SGPL1: variants seen among roughly 807,000 people sequenced by gnomAD.
SGPL1 encodes sphingosine-1-phosphate lyase 1.
SGPL1 carries 37 observed loss-of-function variants against 68.9 expected under a neutral mutation model. The observed-to-expected ratio is 0.54, with a 90% CI of 0.41 to 0.71. SGPL1 has a LOEUF of 0.71. Among genes scored for constraint, SGPL1 ranks in the 30% least tolerant of loss-of-function variants. The pLI is 0.00. For synonymous variants in SGPL1, 236 were observed against 248.5 expected, an observed-to-expected ratio of 0.95 and a Z score of 0.47; for missense variants, 551 against 704.6, an observed-to-expected ratio of 0.78 and a Z score of 2.47.
At chr10:70,838,841 C>T (rs573220303) in intron 2 of SGPL1, among the ~76,000 whole-genome samples, 1 of 152,296 alleles carries the variant, frequency 6.6e-6, no homozygotes, top group African/African-American at 2.4e-5. Flanking sequence ...TCTGTTTCTA[C>T]ATGTATTAGA....
At chr10:70,829,409 G>A (rs1477303502) in intron 2 of SGPL1, among the ~76,000 whole-genome samples, 1 of 152,162 alleles carries the variant, frequency 6.6e-6, no homozygotes, top group Non-Finnish European at 1.5e-5. Flanking sequence ...TTGTGACTGG[G>A]AAGGTTACTT....
At chr10:70,860,659 A>G (rs989418099) in intron 7 of SGPL1, among the ~76,000 whole-genome samples, 1 of 152,228 alleles carries the variant, frequency 6.6e-6, no homozygotes, top group Admixed American at 6.5e-5. Context: ...GTAAGAGGCC[A>G]GAGTGAATAG....
intron 2 of SGPL1, among the ~76,000 whole-genome samples, chr10:70,829,570 G>T (rs1367563873): frequency 4.6e-5 from 7 of 152,028 alleles, no homozygotes; most frequent in Non-Finnish European, 1.0e-4. Flanking sequence ...GTGGACGATG[G>T]TATCTTTTTT....
rs756302286 is a variant in SGPL1, at chr10:70,873,451, A to T, written c.1160A>T (p.Tyr387Phe). The change falls in exon 12 of 15, where the codon TAT (tyrosine) becomes TTT (phenylalanine). Residue 387 changes from tyrosine (Y) to phenylalanine (F), a missense_variant. Coordinates refer to ENST00000373202, the MANE Select transcript of SGPL1 (RefSeq NM_003901.4). ...FVDTDWQGGI[Y>F]ASPTIAGSRP... ...GATACAGATTGGCAGGGTGGCATCT[A>T]TGCTTCCCCAACCATCGCAGGCTCA... 6.2e-7 allele frequency: 1 copy of T among 1,614,142 alleles called. No homozygotes were observed. Among genetic ancestry groups the T allele is most frequent in the Non-Finnish European group, 8.5e-7 (1 of 1,180,046 alleles).
At chr10:70,863,546 G>T (rs576363417) in intron 7 of SGPL1, among the ~76,000 whole-genome samples, 53 of 151,816 alleles carry the variant, frequency 3.5e-4, no homozygotes, top group Non-Finnish European at 6.9e-4. Flanking sequence ...ATTCTTTGAG[G>T]CCTAGATTGA....
At chr10:70,822,795 CTTTT>C (rs79983712) in intron 2 of SGPL1, among the ~76,000 whole-genome samples, 1 of 136,074 alleles carries the variant, frequency 7.3e-6, no homozygotes, top group Non-Finnish European at 1.6e-5. Context: ...CATTATCACT[CTTTT>C]TTTTTTTTTT....
At chr10:70,839,126 A>G (rs1213837491) in intron 2 of SGPL1, among the ~76,000 whole-genome samples, 1 of 152,198 alleles carries the variant, frequency 6.6e-6, no homozygotes, top group Non-Finnish European at 1.5e-5. Flanking sequence ...AACGATTAGG[A>G]TTATTGAGTA....
At chr10:70,853,410 G>A (rs1030706959) in intron 4 of SGPL1, among the ~76,000 whole-genome samples, 1 of 152,084 alleles carries the variant, frequency 6.6e-6, no homozygotes, top group African/African-American at 2.4e-5. Context: ...GTGACAAATC[G>A]TGACATGTAG....
At chr10:70,847,498 A>G (rs1476989995) in intron 3 of SGPL1, among the ~76,000 whole-genome samples, 1 of 152,168 alleles carries the variant, frequency 6.6e-6, no homozygotes, top group African/African-American at 2.4e-5. Context: ...CATATTCACT[A>G]TGGAAAAGTT....
At chr10:70,841,974 C>T (rs990392637) in intron 2 of SGPL1, among the ~76,000 whole-genome samples, 2 of 151,986 alleles carry the variant, frequency 1.3e-5, no homozygotes, top group Non-Finnish European at 2.9e-5. Flanking sequence ...TACCCACACC[C>T]GAAAAAATTA....
intron 3 of SGPL1, among the ~76,000 whole-genome samples, chr10:70,850,795 T>A (rs1221328174): frequency 6.7e-6 from 1 of 149,840 alleles, no homozygotes; most frequent in Non-Finnish European, 1.5e-5. Context: ...TGTGCTACTT[T>A]TTGTGCAAAA....
intron 10 of SGPL1, among the ~76,000 whole-genome samples, chr10:70,871,551 A>G (rs1054649606): frequency 8.5e-5 from 13 of 152,318 alleles, no homozygotes; most frequent in Admixed American, 2.6e-4. Context: ...GAGGCAGCCT[A>G]AATCAGAGCT....
intron 2 of SGPL1, among the ~76,000 whole-genome samples, chr10:70,821,353 G>A (rs776763981): frequency 6.6e-6 from 1 of 152,132 alleles, no homozygotes; most frequent in Non-Finnish European, 1.5e-5. Context: ...TAGTTTTTAA[G>A]AAAAAGGTAT....
At chr10:70,868,284 G>C in intron 7 of SGPL1, 61 bp from the exon 8 acceptor site, 1 of 1,146,064 alleles carries the variant, frequency 8.7e-7, no homozygotes, top group Non-Finnish European at 1.3e-6. Flanking sequence ...TCAAGATCAG[G>C]GCATGAAGAG....
chr10:70,859,338 T>G lies in SGPL1; in HGVS notation c.487-33T>G, dbSNP rs1013163610. 4.4e-6 allele frequency: 6 copies of G among 1,377,760 alleles called. No homozygotes were observed. The South Asian group carries it at 9.9e-5, about 23-fold the overall frequency. 85.3% of individuals were successfully genotyped at this position (1,377,760 alleles called of 1,614,324 possible). On this transcript the variant is annotated intron_variant, in intron 6 of 14. Transcript: ENST00000373202. The stretch of plus-strand genomic sequence containing the variant: ...TCTTTGTCCTGTATAGTGTAATAGT[T>G]TTGATTTCACATCTGCTTGCATTTT...
At chr10:70,817,219 A>G (rs1237704574) in intron 2 of SGPL1, among the ~76,000 whole-genome samples, 5 of 152,098 alleles carry the variant, frequency 3.3e-5, no homozygotes, top group African/African-American at 1.2e-4. Context: ...GGGGTTCTCC[A>G]TGTTGGCCAG....
At chr10:70,871,329 G>A (rs1846291879) in intron 10 of SGPL1, among the ~76,000 whole-genome samples, 183 bp downstream of exon 10, 3 of 152,206 alleles carry the variant, frequency 2.0e-5, no homozygotes, top group Admixed American at 1.3e-4. Context: ...AAAGTTGCTA[G>A]TCTCTGCTGT....
At chr10:70,873,319 C>CT in intron 11 of SGPL1, 32 bp from the exon 12 acceptor site, 1 of 1,514,088 alleles carries the variant, frequency 6.6e-7, no homozygotes, top group Middle Eastern at 1.7e-4. Flanking sequence ...GAACTATACT[C>CT]TCACTTTTCT....
At chr10:70,862,977 C>T (rs893297948) in intron 7 of SGPL1, among the ~76,000 whole-genome samples, 2 of 152,008 alleles carry the variant, frequency 1.3e-5, no homozygotes, top group Non-Finnish European at 2.9e-5. Flanking sequence ...TTTTGTAGTT[C>T]TCCTTTTATT....
Sources: gnomAD v4.1 joint callset for allele counts (sites outside exome capture counted in the v4.1 genomes callset) on GRCh38, gnomAD v4.1.1 for gene constraint, MANE v1.5 for transcripts, NCBI Gene and HGNC (gene_info 2026-07-23, HGNC 2026-07-21) for gene names.